The following DCHS2 variants were observed in gnomAD, a reference collection of about 807,000 sequenced individuals.
DCHS2 encodes the protein dachsous cadherin-related 2.
DCHS2 carries 142 observed loss-of-function variants against 182.4 expected under a neutral mutation model. The ratio of observed to expected loss-of-function variants is 0.78; its 90% CI spans 0.68 to 0.89. The LOEUF (loss-of-function observed/expected upper bound fraction) is 0.89. Among genes scored for constraint, DCHS2 ranks in the 40% least tolerant of loss-of-function variants. DCHS2 has a pLI of 0.00. For missense variants in DCHS2, 4,319 were observed against 4,198.6 expected (o/e 1.03, Z -0.79); for synonymous variants, 1,740 against 1,663.3 (o/e 1.05, Z -1.12).
chr4:154,449,106 T>C (rs1734424099), intron 1 of DCHS2, among the ~76,000 whole-genome samples: 2 of 152,082 alleles, frequency 1.3e-5, no homozygotes, highest in Admixed American at 1.3e-4. Flanking sequence ...ATTTTAGAAA[T>C]GGTAGAAATT....
At chr4:154,252,241 C>T (rs981251901) in intron 16 of DCHS2, among the ~76,000 whole-genome samples, 2 of 152,108 alleles carry the variant, frequency 1.3e-5, no homozygotes, top group Non-Finnish European at 2.9e-5. Flanking sequence ...TTGATACAGG[C>T]ATGCAATGTG....
At chr4:154,319,779 G>A (rs1735987826) in intron 9 of DCHS2, among the ~76,000 whole-genome samples, 1 of 151,690 alleles carries the variant, frequency 6.6e-6, no homozygotes, top group Non-Finnish European at 1.5e-5. Context: ...TAGTATGGAT[G>A]TTCCTCAAAA....
intron 7 of DCHS2, chr4:154,323,382 C>A: frequency 1.3e-6 from 2 of 1,539,186 alleles, no homozygotes; most frequent in Middle Eastern, 2.2e-4. Context: ...CAGGCTGGAG[C>A]GCAATTGTGC....
rs1561051391 is a variant in DCHS2 at position 154,334,998 on chromosome 4, A to G, written c.2583T>C (p.Asp861=). The G allele has an allele frequency of 1.2e-6, 2 of 1,614,076 alleles. No individual in the cohort carries two copies. Among genetic ancestry groups the G allele is most frequent in the African/African-American group, 1.3e-5 (1 of 74,928 alleles). The change falls in exon 4 of 20, where the codon GAT becomes GAC. Residue 861 remains aspartate, a synonymous_variant. Transcript: ENST00000357232. The part of the protein sequence containing the change: ...GGGLTAVINA[D]VTIHIFQTTL... Reference sequence around the variant, plus strand: ...TTGTCTGGAAAATGTGTATGGTGACATCGGCATTAATGACAGCTGTGAGCC... The same window carrying G: ...TTGTCTGGAAAATGTGTATGGTGACGTCGGCATTAATGACAGCTGTGAGCC...
In DCHS2 at chr4:154,315,653, A is replaced by AT. The variant is rs537034645; in HGVS notation, c.5260+94dup. On this transcript the variant is annotated intron_variant, in intron 10 of 19. Coordinates refer to ENST00000357232, the MANE Select transcript of DCHS2 (RefSeq NM_001358235.2). ...AATTTGAGATAACTAGCAACTGTTC[A>AT]TTTTTTCTGAGCCATAACTATTATA... 1.4e-5 allele frequency: 22 copies of AT among 1,517,646 alleles called. No individual in the cohort carries two copies. In the South Asian group the frequency reaches 1.5e-4, roughly 10 times the overall value. 94.0% of individuals were successfully genotyped at this position (1,517,646 alleles called of 1,614,324 possible). A position where few individuals can be genotyped will look rare whatever the true frequency, so the allele number is the denominator to read the frequency against.
At chr4:154,452,836 C>G (rs572745435) in intron 1 of DCHS2, among the ~76,000 whole-genome samples, 1 of 152,106 alleles carries the variant, frequency 6.6e-6, no homozygotes, top group African/African-American at 2.4e-5. Flanking sequence ...TATGATAGAA[C>G]CAGGCAGCTG....
At chr4:154,359,513 C>T (rs1730022250) in intron 3 of DCHS2, among the ~76,000 whole-genome samples, 2 of 151,922 alleles carry the variant, frequency 1.3e-5, no homozygotes, top group South Asian at 4.2e-4. Context: ...AAATCATGAC[C>T]TTCAACAGAT....
At chr4:154,467,179 T>C (rs1308797244) in intron 1 of DCHS2, among the ~76,000 whole-genome samples, 1 of 152,176 alleles carries the variant, frequency 6.6e-6, no homozygotes, top group Non-Finnish European at 1.5e-5. Context: ...GGCTATAAAA[T>C]CCATTTATAT....
chr4:154,297,126 ATGT>A (rs1307347910), intron 13 of DCHS2, among the ~76,000 whole-genome samples: 1 of 152,200 alleles, frequency 6.6e-6, no homozygotes, highest in African/African-American at 2.4e-5. Flanking sequence ...ATATTTTATG[ATGT>A]TGTCATTATT....
Position 154,465,644 on chromosome 4 carries a change from G to A in DCHS2, c.2052+23660C>T, listed in dbSNP as rs143571322. The stretch of plus-strand genomic sequence containing the variant: ...AGATCACGCCACTACACTCCAGCCT[G>A]GGTGACAGAGCAAGACCCCATCTCA... On this transcript the variant is annotated intron_variant, in intron 1 of 19. Transcript: ENST00000357232. Among the ~76,000 whole-genome samples the A allele has an allele frequency of 4.2e-3, 637 of 151,888 alleles. 4 individuals are homozygous for A. Among genetic ancestry groups the A allele is most frequent in the African/African-American group, 0.015 (601 of 41,404 alleles).
chr4:154,334,672 T>G (rs1728702226), intron 4 of DCHS2, 196 bp downstream of exon 4: 1 of 555,736 alleles, frequency 1.8e-6, no homozygotes, highest in African/African-American at 1.9e-5. Context: ...CTATTATTTT[T>G]GTGATCAGAA....
chr4:154,338,805 T>C (rs899443017), intron 3 of DCHS2, among the ~76,000 whole-genome samples: 4 of 152,202 alleles, frequency 2.6e-5, no homozygotes, highest in African/African-American at 9.6e-5. Context: ...CACTACATTT[T>C]ATGTGAAAAA....
Position 154,259,549 on chromosome 4 carries a change from A to G in DCHS2, c.6785T>C (p.Ile2262Thr). The change falls in exon 15 of 20, where the codon ATA (isoleucine) becomes ACA (threonine). Residue 2262 changes from isoleucine to threonine, a missense_variant. Ile to Thr is a moderately conservative substitution (Grantham distance 89). Transcript: ENST00000357232. ...ACACAAATATATTTCTGTTACCTGT[A>G]TGACATGAGCATTGTAGAGTTGGCT... ...SESQLYNAHV[I>T]QVFATDLDSG... 1 of 1,613,602 alleles carries G rather than the reference A, an allele frequency of 6.2e-7. No homozygotes were observed. The highest frequency in any genetic ancestry group is 8.5e-7 in the Non-Finnish European group (1 of 1,179,952).
chr4:154,354,334 T>C (rs2110734762), intron 3 of DCHS2, among the ~76,000 whole-genome samples: 1 of 152,388 alleles, frequency 6.6e-6, no homozygotes, highest in Non-Finnish European at 1.5e-5. Flanking sequence ...TCCTCTCATC[T>C]AAATTACAGT....
chr4:154,318,520 G>A (rs974252549), intron 9 of DCHS2, among the ~76,000 whole-genome samples: 1 of 151,730 alleles, frequency 6.6e-6, no homozygotes, highest in African/African-American at 2.4e-5. Flanking sequence ...TTCAGAAAAG[G>A]CAGGATACAA....
rs72723322 is a variant in DCHS2 at position 154,311,159 on chromosome 4, C to T, written c.5260+4589G>A. Among the ~76,000 whole-genome samples the T allele has an allele frequency of 3.1e-3, 477 of 152,290 alleles. 2 individuals are homozygous for T. The highest frequency in any genetic ancestry group is 5.4e-3 in the Non-Finnish European group (365 of 68,040). ...GCTAAAAGGGATAAAATTTTATCCT[C>T]CTCTTCCTCAAACTATGGGGATTTA... On this transcript the variant is annotated intron_variant, in intron 10 of 19. Coordinates refer to ENST00000357232, the MANE Select transcript of DCHS2 (RefSeq NM_001358235.2).
intron 19 of DCHS2, among the ~76,000 whole-genome samples, chr4:154,238,592 C>T (rs556265862): frequency 4.4e-4 from 67 of 152,310 alleles, no homozygotes; most frequent in Non-Finnish European, 7.9e-4. Context: ...TTCACAACCA[C>T]GAATGTCTTG....
At chr4:154,313,041 C>T (rs1364697704) in intron 10 of DCHS2, among the ~76,000 whole-genome samples, 1 of 152,110 alleles carries the variant, frequency 6.6e-6, no homozygotes, top group Admixed American at 6.5e-5. Flanking sequence ...GAAGATGACC[C>T]CAGAAACAGA....
rs1465251219 is a variant in DCHS2, at chr4:154,490,849, G to T, written c.507C>A (p.Leu169=). The change falls in exon 1 of 20, where the codon CTC becomes CTA. Residue 169 remains leucine (L), a synonymous_variant. Coordinates refer to ENST00000357232, the MANE Select transcript of DCHS2 (RefSeq NM_001358235.2). ...DVNDHSPRFP[L]DSLQLDVSEL... The stretch of plus-strand genomic sequence containing the variant: ...CGGAGACGTCGAGTTGCAGGGAGTC[G>T]AGGGGAAAGCGGGGCGAGTGGTCAT... The T allele has an allele frequency of 6.4e-7, 1 of 1,551,612 alleles. No homozygotes were observed. Among genetic ancestry groups the T allele is most frequent in the Non-Finnish European group, 8.7e-7 (1 of 1,146,952 alleles).
Sources: gnomAD v4.1 joint callset for allele counts (sites outside exome capture counted in the v4.1 genomes callset) on GRCh38, gnomAD v4.1.1 for gene constraint, MANE v1.5 for transcripts, NCBI Gene and HGNC (gene_info 2026-07-23, HGNC 2026-07-21) for gene names.